MCCC1: variants seen among roughly 807,000 people sequenced by gnomAD.
The protein encoded by MCCC1 is methylcrotonoyl-CoA carboxylase subunit alpha, mitochondrial.
In MCCC1, 64 loss-of-function variants were observed where a neutral mutation model predicts 83.8. The observed-to-expected ratio is 0.76, with a 90% confidence interval of 0.62 to 0.94. The LOEUF is 0.94. MCCC1 is among the 40% of genes least tolerant of loss of function. MCCC1 has a pLI of 0.00. For missense variants in MCCC1, 807 were observed against 904.7 expected, an observed-to-expected ratio of 0.89 and a Z score of 1.39; for synonymous variants, 322 against 315.4, an observed-to-expected ratio of 1.02 and a Z score of -0.22.
Position 183,113,614 on chromosome 3 carries a change from G to T in MCCC1, c.-102+1860C>A, listed in dbSNP as rs1037478880. On this transcript the variant is annotated intron_variant, in intron 1 of 17. Transcript: ENST00000492597. ...AAAAAAAAGGAAGCTGAGGTGGGAG[G>T]TTCCCTTAAGTCCAGGAGGTCAAGG... Among the ~76,000 whole-genome samples the T allele has an allele frequency of 4.0e-5, 6 of 151,180 alleles. No homozygotes were observed. The South Asian group carries it at 1.1e-3, about 26-fold the overall frequency.
chr3:183,051,414 C>T lies in MCCC1; in HGVS notation c.955+745G>A, dbSNP rs113785056. Among the ~76,000 whole-genome samples, 692 of 152,064 alleles carry T rather than the reference C, an allele frequency of 4.6e-3. 3 individuals carry two copies. Among genetic ancestry groups the T allele is most frequent in the African/African-American group, 0.016 (660 of 41,462 alleles). On this transcript the variant is annotated intron_variant, in intron 9 of 18. Coordinates refer to ENST00000265594, the MANE Select transcript of MCCC1 (RefSeq NM_020166.5). ...AAATGCATATTATAAAGAAGCCAAT[C>T]GGAAAAGGCTACATACTGTATGATT...
At position 183,099,436 on chromosome 3, in the gene MCCC1, GCCATGTCCCTGGAGCCCGGCCACT is replaced by G; in HGVS notation, c.-20_4del. On this transcript the variant is annotated start_lost and 5_prime_UTR_variant, in exon 1 of 19. Transcript: ENST00000265594. Reference sequence around the variant, plus strand: ...CAGCACCGACACCGCAGAGGCCGCCGCCATGTCCCTGGAGCCCGGCCACTCCGTGACTCCCCAGTACAGAGGCAG... The same window carrying G: ...CAGCACCGACACCGCAGAGGCCGCCGCCGTGACTCCCCAGTACAGAGGCAG... 6.2e-7 allele frequency: 1 copy of G among 1,604,616 alleles called. No homozygotes were observed. The highest frequency in any genetic ancestry group is 1.3e-5 in the African/African-American group (1 of 74,746).
chr3:183,102,927 C>A (rs1489494583), upstream of MCCC1, among the ~76,000 whole-genome samples: 2 of 151,694 alleles, frequency 1.3e-5, no homozygotes, highest in Admixed American at 6.6e-5. Context: ...GCTAGGATTA[C>A]AGGCATCCAC....
chr3:183,097,753 T>C (rs1170069822), intron 1 of MCCC1, among the ~76,000 whole-genome samples: 1 of 152,054 alleles, frequency 6.6e-6, no homozygotes, highest in African/African-American at 2.4e-5. Context: ...CTCTCCAGAG[T>C]GACATACTTG....
chr3:183,104,062 G>A (rs1203063453), upstream of MCCC1, among the ~76,000 whole-genome samples: 2 of 152,122 alleles, frequency 1.3e-5, no homozygotes, highest in African/African-American at 2.4e-5. Flanking sequence ...CCAAGCCTAC[G>A]CCCACCCGGA....
chr3:183,053,722 G>A (rs957798596), intron 8 of MCCC1, among the ~76,000 whole-genome samples: 5 of 147,618 alleles, frequency 3.4e-5, no homozygotes, highest in Middle Eastern at 3.6e-3. Context: ...GGAGAATGGC[G>A]TGAACCCAGG....
At chr3:183,115,957 TCA>T (rs1438908565) in exon 1 of MCCC1, 1 of 152,228 alleles carries the variant, frequency 6.6e-6, no homozygotes, top group Non-Finnish European at 1.5e-5. Flanking sequence ...TTGAAGACGG[TCA>T]CAGAGTGGGA....
At chr3:183,079,640 G>A (rs1267028897) in intron 4 of MCCC1, among the ~76,000 whole-genome samples, 1 of 152,108 alleles carries the variant, frequency 6.6e-6, no homozygotes, top group African/African-American at 2.4e-5. Context: ...TACCATTCTG[G>A]GGTCTGGAAG....
At chr3:183,081,787 G>A (rs1266211077) in intron 4 of MCCC1, among the ~76,000 whole-genome samples, 1 of 152,110 alleles carries the variant, frequency 6.6e-6, no homozygotes, top group African/African-American at 2.4e-5. Context: ...GGCTCAACTC[G>A]GCTCAACATG....
At chr3:183,076,362 A>T (rs781666282) in intron 4 of MCCC1, among the ~76,000 whole-genome samples, 2 of 152,188 alleles carry the variant, frequency 1.3e-5, no homozygotes, top group Non-Finnish European at 2.9e-5. Flanking sequence ...GTGTGTCAGT[A>T]GCTCATTTCT....
intron 7 of MCCC1, among the ~76,000 whole-genome samples, chr3:183,070,535 C>A (rs1716584227): frequency 6.6e-6 from 1 of 152,124 alleles, no homozygotes; most frequent in Non-Finnish European, 1.5e-5. Flanking sequence ...GAGTTTGAGA[C>A]CTGCCTGACC....
chr3:183,078,519 G>T (rs1473937141), intron 4 of MCCC1, among the ~76,000 whole-genome samples: 2 of 151,982 alleles, frequency 1.3e-5, no homozygotes, highest in African/African-American at 2.4e-5. Context: ...GTGTTCTGAT[G>T]AAATATCTGT....
At chr3:183,036,537 CTTTTTT>C (rs11411314) in intron 13 of MCCC1, among the ~76,000 whole-genome samples, 1 of 117,682 alleles carries the variant, frequency 8.5e-6, no homozygotes, top group African/African-American at 3.1e-5. Context: ...GATCCATTTC[CTTTTTT>C]TTTTTTTTTT....
chr3:183,054,040 T>C (rs112519048), intron 8 of MCCC1, among the ~76,000 whole-genome samples: 66,020 of 141,554 alleles, frequency 0.47, 20,141 homozygotes, highest in African/African-American at 0.86. Flanking sequence ...TGCCACCACA[T>C]CCAGATAATT....
intron 1 of MCCC1, among the ~76,000 whole-genome samples, chr3:183,104,813 G>C (rs1719380817): frequency 6.6e-6 from 1 of 152,144 alleles, no homozygotes. Context: ...TAATTAGTGA[G>C]GGGTGTGGGA....
At chr3:183,067,186 C>T (rs1716317343) in intron 7 of MCCC1, among the ~76,000 whole-genome samples, 1 of 152,202 alleles carries the variant, frequency 6.6e-6, no homozygotes, top group African/African-American at 2.4e-5. Context: ...TCTACACAGT[C>T]TCTATATAGG....
At chr3:183,040,566 A>AAAAAG (rs1288336180) in intron 11 of MCCC1, among the ~76,000 whole-genome samples, 1 of 150,028 alleles carries the variant, frequency 6.7e-6, no homozygotes, top group East Asian at 2.0e-4. Flanking sequence ...CAAAAAAAAA[A>AAAAAG]AAAAAAATTA....
chr3:183,075,970 T>C (rs929234997), intron 4 of MCCC1, among the ~76,000 whole-genome samples: 3 of 152,230 alleles, frequency 2.0e-5, no homozygotes, highest in East Asian at 1.9e-4. Context: ...TTGAGTATTT[T>C]ATATAAAATG....
chr3:183,054,759 G>T (rs925853427), intron 8 of MCCC1, among the ~76,000 whole-genome samples: 47 of 152,008 alleles, frequency 3.1e-4, no homozygotes, highest in African/African-American at 1.1e-3. Context: ...TCCATTCATG[G>T]TAAGTATTCC....
Sources: gnomAD v4.1 joint callset for allele counts (sites outside exome capture counted in the v4.1 genomes callset) on GRCh38, gnomAD v4.1.1 for gene constraint, MANE v1.5 for transcripts, NCBI Gene and HGNC (gene_info 2026-07-23, HGNC 2026-07-21) for gene names.